The following LPGAT1 variants were observed in gnomAD, a reference collection of about 807,000 sequenced individuals.
LPGAT1 encodes the protein acyl-CoA:lysophosphatidylglycerol acyltransferase 1.
A neutral mutation model predicts 47.5 loss-of-function variants in LPGAT1; 11 were observed. The observed-to-expected ratio is 0.23, with a 90% confidence interval of 0.15 to 0.38. The LOEUF (loss-of-function observed/expected upper bound fraction) is 0.38. Among genes scored for constraint, LPGAT1 ranks in the 10% least tolerant of loss-of-function variants. LPGAT1 has a pLI of 1.00. For synonymous variants in LPGAT1, 138 were observed against 144.2 expected (o/e 0.96, Z 0.31); for missense variants, 293 against 439.0 (o/e 0.67, Z 2.97).
chr1:211,756,870 T>C (rs1162682698), intron 6 of LPGAT1, among the ~76,000 whole-genome samples: 1 of 147,056 alleles, frequency 6.8e-6, no homozygotes, highest in Non-Finnish European at 1.5e-5. Context: ...TTTTTTTTTT[T>C]CTCTCTTTTT....
intron 5 of LPGAT1, among the ~76,000 whole-genome samples, chr1:211,782,944 A>G (rs1658700122): frequency 6.6e-6 from 1 of 152,222 alleles, no homozygotes; most frequent in Admixed American, 6.5e-5. Flanking sequence ...ACCAATATGT[A>G]AAGATGTTTA....
intron 6 of LPGAT1, among the ~76,000 whole-genome samples, chr1:211,768,129 T>C (rs1416532218): frequency 6.6e-6 from 1 of 152,178 alleles, no homozygotes; most frequent in East Asian, 1.9e-4. Flanking sequence ...CACTAGAATA[T>C]GAAAATCTAG....
At chr1:211,772,824 C>A (rs1393293733) in intron 6 of LPGAT1, among the ~76,000 whole-genome samples, 1 of 151,896 alleles carries the variant, frequency 6.6e-6, no homozygotes. Flanking sequence ...AAATCACAGC[C>A]CCTAAAATGT....
chr1:211,771,590 G>A (rs1046663729), intron 6 of LPGAT1, among the ~76,000 whole-genome samples: 21 of 151,832 alleles, frequency 1.4e-4, no homozygotes, highest in Non-Finnish European at 2.9e-4. Context: ...TGCATCCTCC[G>A]CCTCCTGGGT....
intron 2 of LPGAT1, among the ~76,000 whole-genome samples, chr1:211,816,522 CA>C: frequency 6.6e-6 from 1 of 152,242 alleles, no homozygotes; most frequent in South Asian, 2.1e-4. Flanking sequence ...TTGATTAAAG[CA>C]AGAACTCGAT....
At chr1:211,755,153 C>T (rs532012066) in intron 6 of LPGAT1, among the ~76,000 whole-genome samples, 8 of 149,686 alleles carry the variant, frequency 5.3e-5, no homozygotes, top group South Asian at 2.1e-4. Context: ...CTGGCTAACA[C>T]GGTGAAACCC....
Position 211,830,517 on chromosome 1 carries a change from C to T in LPGAT1, c.-28+56G>A. On this transcript the variant is annotated intron_variant, in intron 1 of 7. Coordinates refer to ENST00000366997, the MANE Select transcript of LPGAT1 (RefSeq NM_014873.3). This position sits in a 1 kb window ranked among gnomAD's most constrained non-coding sequence, Gnocchi z 5.9. ...CCCCCTTCCCCGCCCCCAGCGCCTC[C>T]CCTGGCCCGGCTCCGCTGCCGCTCT... is the stretch of plus-strand genomic sequence containing the variant. The T allele has an allele frequency of 8.3e-7, 1 of 1,201,396 alleles. No individual in the cohort carries two copies. Among genetic ancestry groups the T allele is most frequent in the Non-Finnish European group, 1.0e-6 (1 of 968,022 alleles). The allele number at this position is 1,201,396 out of a possible 1,614,324, so 74.4% of individuals were successfully genotyped here. A position where few individuals can be genotyped will look rare whatever the true frequency, so the allele number is the denominator to read the frequency against.
chr1:211,763,364 C>T (rs1359203764), intron 6 of LPGAT1, among the ~76,000 whole-genome samples: 2 of 152,162 alleles, frequency 1.3e-5, no homozygotes, highest in African/African-American at 2.4e-5. Flanking sequence ...CTAAAAGCCA[C>T]TTTGGCTCTC....
chr1:211,815,556 A>G (rs1450444651), intron 2 of LPGAT1, among the ~76,000 whole-genome samples: 2 of 152,192 alleles, frequency 1.3e-5, no homozygotes, highest in Non-Finnish European at 2.9e-5. Flanking sequence ...GCTGCAGAGT[A>G]GAATTACAAA....
intron 2 of LPGAT1, among the ~76,000 whole-genome samples, chr1:211,823,886 G>A (rs1410644828): frequency 6.6e-6 from 1 of 150,962 alleles, no homozygotes; most frequent in African/African-American, 2.4e-5. Context: ...GCTGCAGTGA[G>A]CTAAGATCTA....
chr1:211,830,289 G>A lies in LPGAT1; in HGVS notation c.-28+284C>T, dbSNP rs950073951. 16 of 1,046,732 alleles carry A rather than the reference G, an allele frequency of 1.5e-5. No individual in the cohort carries two copies. In the Admixed American group the frequency reaches 8.9e-4, roughly 59 times the overall value. The allele number at this position is 1,046,732 out of a possible 1,614,324, so 64.8% of individuals were successfully genotyped here. On this transcript the variant is annotated intron_variant, in intron 1 of 7. Coordinates refer to ENST00000366997, the MANE Select transcript of LPGAT1 (RefSeq NM_014873.3). This position sits in a 1 kb window ranked among gnomAD's most constrained non-coding sequence, Gnocchi z 5.9. The stretch of plus-strand genomic sequence containing the variant: ...GGCGGCCCAAGCGGCCCGAGGCGCT[G>A]CGCGAGCGGGCGCGCTGGCGCCCTA...
At chr1:211,778,585 G>A (rs1658511454) in intron 6 of LPGAT1, among the ~76,000 whole-genome samples, 1 of 152,044 alleles carries the variant, frequency 6.6e-6, no homozygotes, top group Non-Finnish European at 1.5e-5. Context: ...GTCTGGATCA[G>A]GACCCCTTTT....
At chr1:211,802,101 A>G (rs79796868) in intron 2 of LPGAT1, among the ~76,000 whole-genome samples, 7,466 of 150,466 alleles carry the variant, frequency 0.05, 278 homozygotes, top group Admixed American at 0.1. Context: ...AAAAAAAAAA[A>G]AGAGAAAAAA....
At chr1:211,760,788 C>T (rs1057307011) in intron 6 of LPGAT1, among the ~76,000 whole-genome samples, 26 of 152,186 alleles carry the variant, frequency 1.7e-4, no homozygotes, top group African/African-American at 6.3e-4. Flanking sequence ...CAGAAGGGTG[C>T]TCGGAGCAAC....
intron 2 of LPGAT1, among the ~76,000 whole-genome samples, chr1:211,800,356 T>C (rs1659525557): frequency 6.6e-6 from 1 of 152,034 alleles, no homozygotes; most frequent in South Asian, 2.1e-4. Flanking sequence ...AAGCCACCAA[T>C]AACTCTTGCC....
intron 7 of LPGAT1, 61 bp downstream of exon 7, chr1:211,750,900 T>C: frequency 7.9e-7 from 1 of 1,266,770 alleles, no homozygotes; most frequent in South Asian, 1.3e-5. Context: ...ACAGCTTTCT[T>C]TAAAAGAGGC....
Position 211,754,501 on chromosome 1 carries a change from G to A in LPGAT1, c.855-3434C>T, listed in dbSNP as rs148638122. 1.4e-4 allele frequency among the ~76,000 whole-genome samples: 21 copies of A among 152,120 alleles called. No homozygotes were observed. The East Asian group carries it at 3.7e-3, about 27-fold the overall frequency. Reference sequence around the variant, plus strand: ...AAAAACCCATTTAGTGTTATTTTATGGGGGTTTTAGGAGAGCAGGAAGTAA... The same window carrying A: ...AAAAACCCATTTAGTGTTATTTTATAGGGGTTTTAGGAGAGCAGGAAGTAA... On this transcript the variant is annotated intron_variant, in intron 6 of 7. Coordinates refer to ENST00000366997, the MANE Select transcript of LPGAT1 (RefSeq NM_014873.3).
intron 6 of LPGAT1, among the ~76,000 whole-genome samples, chr1:211,755,232 GGAGGCTGAGGCAGGAGAACTGCTT>G (rs1250863345): frequency 2.0e-4 from 31 of 151,798 alleles, no homozygotes; most frequent in African/African-American, 7.3e-4. Context: ...CAGCTACTTG[GGAGGCTGAGGCAGGAGAACTGCTT>G]GAATCTAGGA....
At chr1:211,805,739 TG>T (rs1659733042) in intron 2 of LPGAT1, among the ~76,000 whole-genome samples, 1 of 152,182 alleles carries the variant, frequency 6.6e-6, no homozygotes, top group Non-Finnish European at 1.5e-5. Flanking sequence ...TAATACAAAC[TG>T]TATGCAATCT....
Sources: allele counts gnomAD v4.1 joint callset (sites outside exome capture counted in the v4.1 genomes callset), GRCh38; gene constraint gnomAD v4.1.1; non-coding constraint Gnocchi (gnomAD v3.1); transcripts MANE v1.5; gene names NCBI Gene and HGNC (gene_info 2026-07-23, HGNC 2026-07-21).